Variants in PXDNL observed in about 807,000 individuals in gnomAD.
PXDNL encodes probable oxidoreductase PXDNL.
PXDNL carries 145 observed loss-of-function variants against 150.8 expected under a neutral mutation model. That is an observed-to-expected ratio of 0.96 (90% CI 0.84 to 1.10). The LOEUF is 1.10. Ranked by LOEUF, PXDNL falls within the 50% of genes least tolerant of loss-of-function variation. The pLI is 0.00. For missense variants in PXDNL, 2,087 were observed against 1,873.9 expected, an observed-to-expected ratio of 1.11 and a Z score of -2.10; for synonymous variants, 757 against 725.7, an observed-to-expected ratio of 1.04 and a Z score of -0.69.
At chr8:51,744,928 A>AAAG (rs2036961842) in intron 1 of PXDNL, among the ~76,000 whole-genome samples, 8 of 88,278 alleles carry the variant, frequency 9.1e-5, no homozygotes, top group African/African-American at 3.2e-4. Context: ...GAAAGAAAGA[A>AAAG]AAAGAAAGAA....
At chr8:51,727,889 G>T (rs1816844213) in intron 1 of PXDNL, among the ~76,000 whole-genome samples, 1 of 152,188 alleles carries the variant, frequency 6.6e-6, no homozygotes, top group Non-Finnish European at 1.5e-5. Context: ...TTCATGAATT[G>T]TTCTTTGTTT....
At chr8:51,406,738 C>T (rs534681539) in intron 17 of PXDNL, among the ~76,000 whole-genome samples, 1 of 152,274 alleles carries the variant, frequency 6.6e-6, no homozygotes, top group African/African-American at 2.4e-5. Flanking sequence ...AGCATTTAAT[C>T]GCGACTTCTA....
intron 2 of PXDNL, among the ~76,000 whole-genome samples, chr8:51,595,277 T>C (rs1813540033): frequency 6.6e-6 from 1 of 152,186 alleles, no homozygotes; most frequent in East Asian, 1.9e-4. Flanking sequence ...TAGAAATGTA[T>C]ACTGTGTGGT....
At chr8:51,394,247 CA>C (rs1808005281) in intron 17 of PXDNL, among the ~76,000 whole-genome samples, 1 of 152,118 alleles carries the variant, frequency 6.6e-6, no homozygotes, top group African/African-American at 2.4e-5. Context: ...ATATATGTCA[CA>C]AAACACTCCT....
intron 4 of PXDNL, among the ~76,000 whole-genome samples, chr8:51,535,730 T>A (rs796606460): frequency 2.2e-5 from 3 of 134,532 alleles, no homozygotes; most frequent in East Asian, 2.6e-4. Flanking sequence ...AATAAATAAA[T>A]AAATAAATAA....
intron 1 of PXDNL, among the ~76,000 whole-genome samples, chr8:51,729,061 G>A (rs1403419942): frequency 6.6e-6 from 1 of 152,120 alleles, no homozygotes; most frequent in South Asian, 2.1e-4. Context: ...ACAGTACTCA[G>A]TACAGTAACA....
chr8:51,763,348 G>A (rs568972980), intron 1 of PXDNL, among the ~76,000 whole-genome samples: 4 of 151,600 alleles, frequency 2.6e-5, no homozygotes, highest in South Asian at 2.1e-4. Flanking sequence ...CCAAAATGGC[G>A]GAGTATGACC....
intron 1 of PXDNL, among the ~76,000 whole-genome samples, chr8:51,709,165 G>T (rs1421009737): frequency 6.6e-6 from 1 of 151,980 alleles, no homozygotes; most frequent in Non-Finnish European, 1.5e-5. Context: ...GTATTGGCAA[G>T]AATTAGTAAA....
chr8:51,355,062 C>G (rs1344595026), intron 19 of PXDNL, among the ~76,000 whole-genome samples: 1 of 152,102 alleles, frequency 6.6e-6, no homozygotes, highest in Admixed American at 6.5e-5. Flanking sequence ...TTATGGTGTT[C>G]TATTAAAAAT....
intron 1 of PXDNL, among the ~76,000 whole-genome samples, chr8:51,804,442 T>C (rs1182228435): frequency 6.6e-6 from 1 of 152,116 alleles, no homozygotes; most frequent in Non-Finnish European, 1.5e-5. Context: ...CAATTTTTTT[T>C]CTCCTCTTTT....
chr8:51,635,975 T>TA, intron 2 of PXDNL, among the ~76,000 whole-genome samples: 1 of 152,124 alleles, frequency 6.6e-6, no homozygotes, highest in South Asian at 2.1e-4. Flanking sequence ...GAAAATTGAA[T>TA]AAAAAACATA....
intron 1 of PXDNL, among the ~76,000 whole-genome samples, chr8:51,669,592 T>G (rs1219792216): frequency 6.6e-6 from 1 of 152,152 alleles, no homozygotes; most frequent in Non-Finnish European, 1.5e-5. Context: ...GGCTGTAGAT[T>G]GGCAGGAATT....
intron 4 of PXDNL, 25 bp from the exon 5 acceptor site, chr8:51,499,795 T>C: frequency 6.7e-7 from 1 of 1,485,566 alleles, no homozygotes; most frequent in Non-Finnish European, 9.4e-7. Context: ...ATCAAGTTGG[T>C]TACTCCTTGT....
intron 7 of PXDNL, among the ~76,000 whole-genome samples, chr8:51,473,186 G>A (rs1196225860): frequency 6.6e-6 from 1 of 151,430 alleles, no homozygotes; most frequent in African/African-American, 2.4e-5. Context: ...GCCAGACAAG[G>A]CGCTAGGACT....
At chr8:51,643,434 C>A (rs566239210) in intron 2 of PXDNL, among the ~76,000 whole-genome samples, 16 of 152,276 alleles carry the variant, frequency 1.1e-4, no homozygotes, top group East Asian at 9.6e-4. Context: ...CAAAAACAAG[C>A]AATGGGGAAA....
chr8:51,461,713 G>A (rs905198331), intron 8 of PXDNL, among the ~76,000 whole-genome samples: 15 of 152,196 alleles, frequency 9.9e-5, no homozygotes, highest in African/African-American at 3.6e-4. Flanking sequence ...TAAGAGTGAG[G>A]GTAGAACAGC....
chr8:51,397,034 T>C (rs1360569254), intron 17 of PXDNL, among the ~76,000 whole-genome samples: 2 of 152,242 alleles, frequency 1.3e-5, no homozygotes, highest in Non-Finnish European at 2.9e-5. Context: ...ACGTCTGTCA[T>C]AAATGAACCC....
chr8:51,634,628 T>C (rs2130762505), intron 2 of PXDNL, among the ~76,000 whole-genome samples: 1 of 152,154 alleles, frequency 6.6e-6, no homozygotes, highest in East Asian at 1.9e-4. Context: ...TGTTTTTCCA[T>C]TTGTTTGTGA....
rs200259163 is a variant in PXDNL, at chr8:51,408,109, T to A, written c.3515A>T (p.Gln1172Leu). The change falls in exon 17 of 23, where the codon CAA becomes CTA. Residue 1172 changes from glutamine (Q) to leucine (L), a missense_variant. By Grantham distance (113) the Gln-to-Leu change is moderately radical (BLOSUM62 -2). Coordinates refer to ENST00000356297, the MANE Select transcript of PXDNL (RefSeq NM_144651.5). ...LTSVKNFEDL[Q>L]NEIKDSEIRQ... ...AATCTCTGAATCTTTAATTTCATTT[T>A]GAAGATCCTCAAAGTTCTTAACTGA... is the stretch of plus-strand genomic sequence containing the variant. 1.1e-4 allele frequency: 172 copies of A among 1,606,474 alleles called. No individual in the cohort carries two copies. In the African/African-American group the frequency reaches 2.1e-3, roughly 20 times the overall value.
Sources: gnomAD v4.1 joint callset for allele counts (sites outside exome capture counted in the v4.1 genomes callset) on GRCh38, gnomAD v4.1.1 for gene constraint, MANE v1.5 for transcripts, NCBI Gene and HGNC (gene_info 2026-07-23, HGNC 2026-07-21) for gene names.